The following CADPS2 variants were observed in gnomAD, a reference collection of about 807,000 sequenced individuals.
The protein encoded by CADPS2 is calcium-dependent secretion activator 2.
In CADPS2, 93 loss-of-function variants were observed where a neutral mutation model predicts 172.5. That is an observed-to-expected ratio of 0.54 (90% confidence interval 0.46 to 0.64). The LOEUF (loss-of-function observed/expected upper bound fraction) is 0.64. CADPS2 is among the 30% of genes least tolerant of loss of function. CADPS2 has a pLI of 0.00. For synonymous variants in CADPS2, 546 were observed against 555.2 expected, an observed-to-expected ratio of 0.98 and a Z score of 0.23; for missense variants, 1,420 against 1,565.9, an observed-to-expected ratio of 0.91 and a Z score of 1.57.
chr7:122,689,892 G>A (rs1419572221), intron 2 of CADPS2, among the ~76,000 whole-genome samples: 1 of 152,168 alleles, frequency 6.6e-6, no homozygotes, highest in Non-Finnish European at 1.5e-5. Flanking sequence ...ATCCATCATG[G>A]ACGCTAGAGT....
intron 1 of CADPS2, among the ~76,000 whole-genome samples, chr7:122,816,524 A>G (rs982663893): frequency 2.0e-5 from 3 of 152,222 alleles, no homozygotes; most frequent in East Asian, 3.8e-4. Flanking sequence ...CTTAAATATT[A>G]TGATCTCCTT....
At chr7:122,611,371 T>C (rs1271345462) in intron 6 of CADPS2, among the ~76,000 whole-genome samples, 4 of 152,080 alleles carry the variant, frequency 2.6e-5, no homozygotes, top group Admixed American at 2.6e-4. Flanking sequence ...AAAGAGGACA[T>C]TATTACTGAC....
intron 14 of CADPS2, among the ~76,000 whole-genome samples, chr7:122,462,821 A>G (rs2054627583): frequency 6.6e-6 from 1 of 152,186 alleles, no homozygotes; most frequent in African/African-American, 2.4e-5. Context: ...GCTTGAACAC[A>G]GAACAGCCTT....
intron 17 of CADPS2, among the ~76,000 whole-genome samples, chr7:122,419,413 A>C (rs1324875124): frequency 6.6e-6 from 1 of 152,218 alleles, no homozygotes; most frequent in Admixed American, 6.5e-5. Context: ...AAACTTTGTC[A>C]GAAAATGTCT....
rs192322086 is a variant in CADPS2, at chr7:122,589,980, C to T, written c.1224-8690G>A. ...GAATTTTGAAAAATGCATGCAATCA[C>T]GTATACAGAACTTATCCGTCACCAA... On this transcript the variant is annotated intron_variant, in intron 6 of 29. Transcript: ENST00000449022. Among the ~76,000 whole-genome samples, 16 of 151,934 alleles carry T rather than the reference C, an allele frequency of 1.1e-4. No homozygotes were observed. The East Asian group carries it at 2.9e-3, about 28-fold the overall frequency.
intron 28 of CADPS2, among the ~76,000 whole-genome samples, chr7:122,328,155 ACACACG>A (rs200261046): frequency 0.15 from 22,254 of 150,816 alleles, 1,664 homozygotes; most frequent in Middle Eastern, 0.16. Flanking sequence ...ACACACACAC[ACACACG>A]CACGCACACA....
chr7:122,784,140 A>G (rs1793463469), intron 1 of CADPS2, among the ~76,000 whole-genome samples: 1 of 152,104 alleles, frequency 6.6e-6, no homozygotes. Flanking sequence ...TTTTCCCACC[A>G]TGACCCACTA....
At chr7:122,578,573 G>C (rs1268382343) in intron 7 of CADPS2, among the ~76,000 whole-genome samples, 2 of 152,058 alleles carry the variant, frequency 1.3e-5, no homozygotes, top group Non-Finnish European at 2.9e-5. Context: ...ATCTAGAGTG[G>C]GGTCTGAGAA....
intron 6 of CADPS2, among the ~76,000 whole-genome samples, chr7:122,587,761 T>C (rs556710564): frequency 2.8e-4 from 42 of 152,236 alleles, no homozygotes; most frequent in African/African-American, 9.4e-4. Flanking sequence ...AATGGATTTC[T>C]GGTTCTAGGT....
chr7:122,598,854 C>T (rs957981021), intron 6 of CADPS2, among the ~76,000 whole-genome samples: 1 of 152,072 alleles, frequency 6.6e-6, no homozygotes, highest in Non-Finnish European at 1.5e-5. Flanking sequence ...CTTCTGTCTT[C>T]AGTGAGCTCA....
At chr7:122,361,236 TTTTTTTTTTTAA>T (rs2040087717) in intron 25 of CADPS2, among the ~76,000 whole-genome samples, 2 of 138,980 alleles carry the variant, frequency 1.4e-5, no homozygotes, top group South Asian at 4.5e-4. Flanking sequence ...TTTTTTTTTT[TTTTTTTTTTTAA>T]AATGAGATGG....
intron 17 of CADPS2, among the ~76,000 whole-genome samples, chr7:122,435,004 T>G (rs149650497): frequency 5.4e-4 from 83 of 152,332 alleles, no homozygotes; most frequent in African/African-American, 1.9e-3. Context: ...GTTTTTTGCT[T>G]TAAATTTGTA....
chr7:122,343,164 GGTCTATTTT>G (rs1194712910), intron 28 of CADPS2, among the ~76,000 whole-genome samples: 1 of 151,760 alleles, frequency 6.6e-6, no homozygotes, highest in Non-Finnish European at 1.5e-5. Flanking sequence ...ATAGAATTAG[GGTCTATTTT>G]TATTTTTAAA....
intron 1 of CADPS2, among the ~76,000 whole-genome samples, chr7:122,853,259 G>A (rs4585687): frequency 0.2 from 29,863 of 152,094 alleles, 3,055 homozygotes; most frequent in Middle Eastern, 0.3. Context: ...TTCTCCCCCT[G>A]CCTCCTCTAC....
At chr7:122,633,318 T>G (rs2076757022) in intron 3 of CADPS2, among the ~76,000 whole-genome samples, 1 of 152,294 alleles carries the variant, frequency 6.6e-6, no homozygotes, top group African/African-American at 2.4e-5. Context: ...ATTTTTCCAT[T>G]CCATGAATAT....
chr7:122,754,958 A>C (rs973541362), intron 1 of CADPS2, among the ~76,000 whole-genome samples: 1 of 152,182 alleles, frequency 6.6e-6, no homozygotes, highest in African/African-American at 2.4e-5. Context: ...TTTTTTAATC[A>C]AGTTTCTGAA....
chr7:122,761,042 G>A (rs1165789191), intron 1 of CADPS2, among the ~76,000 whole-genome samples: 3 of 152,150 alleles, frequency 2.0e-5, no homozygotes, highest in Non-Finnish European at 2.9e-5. Flanking sequence ...AGGGGTGGGA[G>A]GTGAACAAAA....
Position 122,321,156 on chromosome 7 carries a change from T to C in CADPS2, c.3718-818A>G, listed in dbSNP as rs148711545. 5.0e-3 allele frequency among the ~76,000 whole-genome samples: 761 copies of C among 152,302 alleles called. 9 individuals carry two copies. Among genetic ancestry groups the C allele is most frequent in the African/African-American group, 0.017 (719 of 41,558 alleles). ...AATGTTTCCCTTATGTTTACATTGA[T>C]TGATTGATTGACTGATTGATTGACT... is the stretch of plus-strand genomic sequence containing the variant. On this transcript the variant is annotated intron_variant, in intron 29 of 29. Transcript: ENST00000449022.
chr7:122,538,140 A>AGT (rs55883532), intron 8 of CADPS2, among the ~76,000 whole-genome samples: 1 of 150,020 alleles, frequency 6.7e-6, no homozygotes, highest in Non-Finnish European at 1.5e-5. Context: ...ACTTATACAA[A>AGT]TTCAGTAAAA....
Sources: allele counts gnomAD v4.1 joint callset (sites outside exome capture counted in the v4.1 genomes callset), GRCh38; gene constraint gnomAD v4.1.1; transcripts MANE v1.5; gene names NCBI Gene and HGNC (gene_info 2026-07-23, HGNC 2026-07-21).